The following PKHD1 variants were observed in gnomAD, a reference collection of about 807,000 sequenced individuals.
PKHD1 encodes PKHD1 ciliary IPT domain containing fibrocystin/polyductin.
In PKHD1, 291 loss-of-function variants were observed where a neutral mutation model predicts 412.0. That is an observed-to-expected ratio of 0.71 (90% CI 0.64 to 0.78). The LOEUF (loss-of-function observed/expected upper bound fraction) is 0.78, where lower values mean the gene tolerates loss of function less well. Among genes scored for constraint, PKHD1 ranks in the 30% least tolerant of loss-of-function variants. The pLI, the probability that PKHD1 is intolerant of heterozygous loss-of-function variation, is 0.00. For missense variants in PKHD1, 4,825 were observed against 4,950.7 expected, an observed-to-expected ratio of 0.97 and a Z score of 0.76; for synonymous variants, 1,777 against 1,821.5, an observed-to-expected ratio of 0.98 and a Z score of 0.62.
At chr6:52,085,975 A>G (rs2128248281) in intron 1 of PKHD1, among the ~76,000 whole-genome samples, 1 of 151,574 alleles carries the variant, frequency 6.6e-6, no homozygotes, top group South Asian at 2.1e-4. Flanking sequence ...AGAATTAAAC[A>G]CCCACATGTA....
chr6:51,679,233 C>CT (rs778494421), intron 60 of PKHD1, among the ~76,000 whole-genome samples: 15 of 152,152 alleles, frequency 9.9e-5, no homozygotes, highest in Middle Eastern at 3.4e-3. Context: ...GGGCCTCAGG[C>CT]TTTTTGCAGC....
Position 51,817,536 on chromosome 6 carries a change from G to A in PKHD1, c.8302+13325C>T, listed in dbSNP as rs145072906. Among the ~76,000 whole-genome samples the A allele has an allele frequency of 1.2e-4, 19 of 152,194 alleles. 1 individual carries two copies. In the East Asian group the frequency reaches 2.1e-3, roughly 17 times the overall value. ...AGAGTTTTGATTCAGGACTACAGCC[G>A]TGTCCCCAGAGCAAACACCCCAAGG... On this transcript the variant is annotated intron_variant, in intron 52 of 66. Transcript: ENST00000371117.
intron 46 of PKHD1, among the ~76,000 whole-genome samples, 192 bp from the exon 47 acceptor site, chr6:51,870,831 GAA>G (rs1304389494): frequency 6.7e-6 from 1 of 149,300 alleles, no homozygotes; most frequent in Non-Finnish European, 1.5e-5. Flanking sequence ...TCAACAGCAA[GAA>G]AATAGACAAC....
chr6:51,769,812 A>G (rs956642988), intron 55 of PKHD1, among the ~76,000 whole-genome samples: 1 of 151,612 alleles, frequency 6.6e-6, no homozygotes, highest in African/African-American at 2.4e-5. Context: ...GACATGTTCT[A>G]TAATATCTCG....
chr6:51,986,341 T>C (rs570882820), intron 35 of PKHD1, among the ~76,000 whole-genome samples: 2 of 152,318 alleles, frequency 1.3e-5, no homozygotes, highest in Admixed American at 1.3e-4. Context: ...CTTTCAAGAC[T>C]GCACTCAGAA....
chr6:51,983,488 C>G (rs1795830736), intron 35 of PKHD1, among the ~76,000 whole-genome samples: 1 of 152,180 alleles, frequency 6.6e-6, no homozygotes, highest in Admixed American at 6.5e-5. Flanking sequence ...TCCTAAAACT[C>G]AAAGAAACAT....
intron 43 of PKHD1, among the ~76,000 whole-genome samples, chr6:51,888,809 C>T (rs1445965894): frequency 1.3e-5 from 2 of 149,864 alleles, no homozygotes; most frequent in Non-Finnish European, 3.0e-5. Flanking sequence ...CACACGCTCA[C>T]ATCTTAAGGA....
intron 48 of PKHD1, among the ~76,000 whole-genome samples, chr6:51,861,510 A>G (rs1774182277): frequency 2.0e-5 from 3 of 152,224 alleles, no homozygotes; most frequent in African/African-American, 7.2e-5. Context: ...TCTTCTGAGT[A>G]TTTGTGCTTG....
chr6:52,005,516 T>G (rs1798935386), intron 35 of PKHD1, among the ~76,000 whole-genome samples: 1 of 152,204 alleles, frequency 6.6e-6, no homozygotes, highest in South Asian at 2.1e-4. Flanking sequence ...TTCCTCTGCA[T>G]GCTGAATACC....
intron 36 of PKHD1, among the ~76,000 whole-genome samples, chr6:51,940,709 G>A (rs1350010133): frequency 1.3e-5 from 2 of 151,552 alleles, no homozygotes; most frequent in African/African-American, 2.4e-5. Flanking sequence ...GACGCTCTGG[G>A]TAACTCTCAC....
intron 60 of PKHD1, among the ~76,000 whole-genome samples, chr6:51,695,950 C>T (rs988000593): frequency 2.6e-5 from 4 of 152,088 alleles, no homozygotes; most frequent in Admixed American, 6.6e-5. Flanking sequence ...GAAAAGTTTG[C>T]GTTGATGGTC....
chr6:52,018,224 C>T (rs2435320), intron 33 of PKHD1, among the ~76,000 whole-genome samples: 146,358 of 152,276 alleles, frequency 0.96, 70,625 homozygotes, highest in East Asian at 1. Context: ...TATTTCCTAG[C>T]TTTTGCTACT....
intron 36 of PKHD1, among the ~76,000 whole-genome samples, chr6:51,946,389 A>T (rs1237199469): frequency 1.3e-5 from 2 of 152,242 alleles, no homozygotes; most frequent in Non-Finnish European, 2.9e-5. Flanking sequence ...AAATAATTAG[A>T]TAAACAAATG....
chr6:52,044,275 A>C (rs1237212076), intron 25 of PKHD1, among the ~76,000 whole-genome samples: 1 of 152,188 alleles, frequency 6.6e-6, no homozygotes, highest in African/African-American at 2.4e-5. Context: ...GAACTCAAAA[A>C]CTACTTGGAA....
intron 52 of PKHD1, among the ~76,000 whole-genome samples, chr6:51,826,444 A>G (rs1457185632): frequency 6.6e-6 from 1 of 152,200 alleles, no homozygotes. Flanking sequence ...AATCCTGAGA[A>G]AGCACTGGAG....
chr6:51,665,001 C>T (rs1773496755), intron 60 of PKHD1, among the ~76,000 whole-genome samples: 1 of 151,756 alleles, frequency 6.6e-6, no homozygotes, highest in African/African-American at 2.4e-5. Flanking sequence ...CTACACTCCC[C>T]AAAAATGAAA....
At chr6:51,631,927 C>CTTTTTT (rs1277193806) in intron 65 of PKHD1, among the ~76,000 whole-genome samples, 12 of 137,648 alleles carry the variant, frequency 8.7e-5, no homozygotes, top group African/African-American at 2.2e-4. Flanking sequence ...TCCCCGGATT[C>CTTTTTT]TTTTTTTTTT....
intron 37 of PKHD1, among the ~76,000 whole-genome samples, chr6:51,921,460 T>C (rs936156549): frequency 6.6e-6 from 1 of 152,172 alleles, no homozygotes; most frequent in South Asian, 2.1e-4. Flanking sequence ...TTTCCTGAAT[T>C]TGAATGTTGG....
chr6:52,030,879 A>G (rs1802937563), intron 29 of PKHD1, among the ~76,000 whole-genome samples: 1 of 152,188 alleles, frequency 6.6e-6, no homozygotes, highest in Non-Finnish European at 1.5e-5. Context: ...AATGGCTAAA[A>G]ATATGCTTAT....
Sources: allele counts gnomAD v4.1 joint callset (sites outside exome capture counted in the v4.1 genomes callset), GRCh38; gene constraint gnomAD v4.1.1; transcripts MANE v1.5; gene names NCBI Gene and HGNC (gene_info 2026-07-23, HGNC 2026-07-21).